The following SIPA1L1 variants were observed in gnomAD, a reference collection of about 807,000 sequenced individuals.
SIPA1L1 encodes signal induced proliferation associated 1 like 1, also known as signal-induced proliferation-associated 1-like protein 1.
SIPA1L1 carries 26 observed loss-of-function variants against 162.7 expected under a neutral mutation model. That is an observed-to-expected ratio of 0.16 (90% CI 0.12 to 0.22). The LOEUF (loss-of-function observed/expected upper bound fraction) is 0.22. SIPA1L1 is among the 10% of genes least tolerant of loss of function. The pLI is 1.00. For missense variants in SIPA1L1, 1,874 were observed against 2,241.0 expected (o/e 0.84, Z 3.31); for synonymous variants, 829 against 837.4 (o/e 0.99, Z 0.17).
At chr14:71,579,761 C>A (rs1358876965) in intron 4 of SIPA1L1, among the ~76,000 whole-genome samples, 1 of 152,132 alleles carries the variant, frequency 6.6e-6, no homozygotes, top group Non-Finnish European at 1.5e-5. Context: ...TTCTTATGCT[C>A]CTTTCTACTT....
At chr14:71,607,792 C>G (rs1329628956) in intron 5 of SIPA1L1, among the ~76,000 whole-genome samples, 1 of 152,030 alleles carries the variant, frequency 6.6e-6, no homozygotes, top group Non-Finnish European at 1.5e-5. Flanking sequence ...TTATCTGTGC[C>G]CCAACACCAT....
chr14:71,594,444 A>G (rs998046055), intron 5 of SIPA1L1, among the ~76,000 whole-genome samples: 1 of 152,202 alleles, frequency 6.6e-6, no homozygotes, highest in African/African-American at 2.4e-5. Context: ...TGCTTTTTAA[A>G]AAATCCTTCT....
intron 19 of SIPA1L1, among the ~76,000 whole-genome samples, chr14:71,729,253 C>G (rs1160534369): frequency 6.6e-6 from 1 of 152,146 alleles, no homozygotes; most frequent in Non-Finnish European, 1.5e-5. Context: ...CCAGGCTGGT[C>G]TCAAACTCCT....
At chr14:71,710,807 C>CA (rs570414143) in intron 17 of SIPA1L1, among the ~76,000 whole-genome samples, 9,082 of 56,944 alleles carry the variant, frequency 0.16, 659 homozygotes, top group African/African-American at 0.31. Flanking sequence ...GATTCTGTCT[C>CA]AAAAAAAAAA....
intron 6 of SIPA1L1, among the ~76,000 whole-genome samples, chr14:71,621,291 CCTCTGA>C (rs1247272401): frequency 6.6e-6 from 1 of 152,152 alleles, no homozygotes; most frequent in Non-Finnish European, 1.5e-5. Context: ...TCCTCATCTC[CCTCTGA>C]GAAACAGCCA....
chr14:71,477,746 AG>A (rs1336172797), intron 2 of SIPA1L1, among the ~76,000 whole-genome samples: 5 of 151,834 alleles, frequency 3.3e-5, no homozygotes, highest in Non-Finnish European at 7.4e-5. Context: ...TTATTTATCC[AG>A]TGTCCCATTG....
chr14:71,542,544 CTT>C (rs2054532964), intron 4 of SIPA1L1, among the ~76,000 whole-genome samples: 1 of 145,902 alleles, frequency 6.9e-6, no homozygotes, highest in Admixed American at 6.8e-5. Flanking sequence ...CTCCTCCTCT[CTT>C]CCTCCTCCTC....
At chr14:71,698,081 T>C (rs1194239992) in intron 13 of SIPA1L1, among the ~76,000 whole-genome samples, 1 of 152,182 alleles carries the variant, frequency 6.6e-6, no homozygotes, top group Non-Finnish European at 1.5e-5. Context: ...AAAATGGAAA[T>C]GACCTCCCCT....
At chr14:71,441,993 G>A (rs2044902456) in intron 2 of SIPA1L1, among the ~76,000 whole-genome samples, 1 of 151,692 alleles carries the variant, frequency 6.6e-6, no homozygotes, top group Non-Finnish European at 1.5e-5. Flanking sequence ...TCAGCAGGGT[G>A]AAACCTCGTC....
At chr14:71,422,988 G>A (rs1455240294) in intron 2 of SIPA1L1, among the ~76,000 whole-genome samples, 1 of 152,132 alleles carries the variant, frequency 6.6e-6, no homozygotes, top group African/African-American at 2.4e-5. Flanking sequence ...TTGCCAATAC[G>A]TATTTTCTGG....
At chr14:71,691,428 C>CA (rs1435267821) in intron 13 of SIPA1L1, among the ~76,000 whole-genome samples, 5 of 151,748 alleles carry the variant, frequency 3.3e-5, no homozygotes, top group Non-Finnish European at 7.4e-5. Context: ...CCCGTATCTA[C>CA]AAAAAATAAA....
chr14:71,672,625 A>G lies in SIPA1L1; in HGVS notation c.3104+3A>G. ...CATGATGACTGCACCCCGCGGAGGT[A>G]GGTCTGAGGAGACAGCTGTGGGCCT... On this transcript the variant is annotated splice_donor_region_variant and intron_variant, in intron 12 of 23. Coordinates refer to ENST00000381232, the MANE Select transcript of SIPA1L1 (RefSeq NM_001386936.1). 1 of 1,610,714 alleles carries G rather than the reference A, an allele frequency of 6.2e-7. No homozygotes were observed. Among genetic ancestry groups the G allele is most frequent in the Non-Finnish European group, 8.5e-7 (1 of 1,177,162 alleles).
intron 7 of SIPA1L1, among the ~76,000 whole-genome samples, chr14:71,637,140 G>GCACA (rs141827256): frequency 9.0e-5 from 13 of 143,732 alleles, no homozygotes; most frequent in African/African-American, 3.1e-4. Flanking sequence ...GTGCACGCGT[G>GCACA]CACACACACA....
At chr14:71,538,340 A>T (rs78206483) in intron 4 of SIPA1L1, among the ~76,000 whole-genome samples, 2,221 of 152,162 alleles carry the variant, frequency 0.015, 65 homozygotes, top group African/African-American at 0.051. Flanking sequence ...ATTTTACCAA[A>T]TTCTTTGAGA....
chr14:71,433,506 G>A (rs1489850232), intron 2 of SIPA1L1, among the ~76,000 whole-genome samples: 4 of 152,146 alleles, frequency 2.6e-5, no homozygotes, highest in Non-Finnish European at 4.4e-5. Context: ...TTGTAGCGAC[G>A]GGGCTTCACC....
At chr14:71,365,087 T>C (rs1202632657) in intron 2 of SIPA1L1, among the ~76,000 whole-genome samples, 2 of 151,840 alleles carry the variant, frequency 1.3e-5, no homozygotes, top group African/African-American at 4.8e-5. Flanking sequence ...AGTGTAGTAG[T>C]GCGATCACGG....
intron 10 of SIPA1L1, among the ~76,000 whole-genome samples, chr14:71,669,907 A>G (rs1439811604): frequency 6.6e-6 from 1 of 152,152 alleles, no homozygotes; most frequent in South Asian, 2.1e-4. Context: ...AGAAATAACT[A>G]TTTCTTGAAA....
At chr14:71,344,087 G>C (rs908708957) in intron 2 of SIPA1L1, among the ~76,000 whole-genome samples, 1 of 152,178 alleles carries the variant, frequency 6.6e-6, no homozygotes, top group Non-Finnish European at 1.5e-5. Context: ...TTAGGTACTA[G>C]CACTTTTTTT....
At chr14:71,411,122 G>T (rs1313536744) in intron 2 of SIPA1L1, among the ~76,000 whole-genome samples, 3 of 147,478 alleles carry the variant, frequency 2.0e-5, no homozygotes, top group Admixed American at 6.8e-5. Flanking sequence ...TTAGCATTTT[G>T]TTTTTTTTTT....
Sources: allele counts gnomAD v4.1 joint callset (sites outside exome capture counted in the v4.1 genomes callset), GRCh38; gene constraint gnomAD v4.1.1; transcripts MANE v1.5; gene names NCBI Gene and HGNC (gene_info 2026-07-23, HGNC 2026-07-21).